Variants in RHCE observed in about 807,000 individuals in gnomAD.
RHCE encodes the protein Rh blood group CcEe antigens.
A neutral mutation model predicts 43.8 loss-of-function variants in RHCE; 22 were observed. The observed-to-expected ratio is 0.50, with a 90% CI of 0.36 to 0.72. The LOEUF is 0.72. Ranked by LOEUF, RHCE falls within the 30% of genes least tolerant of loss-of-function variation. The pLI, the probability that RHCE is intolerant of heterozygous loss-of-function variation, is 0.00. For missense variants in RHCE, 385 were observed against 525.4 expected (o/e 0.73, Z 2.61); for synonymous variants, 156 against 210.7 (o/e 0.74, Z 2.25).
intron 1 of RHCE, among the ~76,000 whole-genome samples, chr1:25,412,861 C>A (rs1647138158): frequency 6.6e-6 from 1 of 151,534 alleles, no homozygotes. Flanking sequence ...CCCGTCTCTA[C>A]TAAAAATACA....
At chr1:25,422,474 G>A (rs2042773162), upstream of RHCE, among the ~76,000 whole-genome samples, 1 of 152,192 alleles carries the variant, frequency 6.6e-6, no homozygotes, top group South Asian at 2.1e-4. Flanking sequence ...TACATTTTCA[G>A]AGCTAACTGT....
intron 7 of RHCE, chr1:25,385,472 G>A (rs1646124363): frequency 1.6e-6 from 1 of 615,162 alleles, no homozygotes. Flanking sequence ...AAGATTTCGT[G>A]TCTTTGGTCT....
chr1:25,416,824 G>GT (rs1390124741), intron 1 of RHCE, among the ~76,000 whole-genome samples: 6 of 148,968 alleles, frequency 4.0e-5, no homozygotes, highest in East Asian at 3.9e-4. Flanking sequence ...GATGGCGGGG[G>GT]GGGGTCTCCC....
chr1:25,366,680 G>A (rs1370159550), intron 9 of RHCE, among the ~76,000 whole-genome samples: 1 of 87,792 alleles, frequency 1.1e-5, no homozygotes, highest in African/African-American at 3.3e-5. Context: ...ATGAGCCACC[G>A]CACCTGGGCG....
At chr1:25,380,170 T>A in intron 7 of RHCE, among the ~76,000 whole-genome samples, 1 of 142,054 alleles carries the variant, frequency 7.0e-6, no homozygotes, top group African/African-American at 2.6e-5. Context: ...AGGACAGACA[T>A]TCCCATTCTA....
At chr1:25,430,137 C>A (rs1013096814) in exon 1 of RHCE, 6 of 151,952 alleles carry the variant, frequency 3.9e-5, no homozygotes, top group Non-Finnish European at 5.9e-5. Context: ...GCCCACAGCG[C>A]TGCCCAGCCT....
intron 3 of RHCE, among the ~76,000 whole-genome samples, chr1:25,399,455 A>G (rs1571888020): frequency 6.6e-6 from 1 of 152,176 alleles, no homozygotes; most frequent in East Asian, 1.9e-4. Flanking sequence ...TAAGACTCAC[A>G]GTATAACTAA....
In RHCE at chr1:25,362,266, T is replaced by G; in HGVS notation, c.*261A>C. On this transcript the variant is annotated 3_prime_UTR_variant, in exon 10 of 10. Transcript: ENST00000294413. ...ATTGTCAATAAAATTAACCCAAAACTTTAATAATGTGTCTGTAACCAAGAA... is the reference window on the plus strand; with the variant it reads ...ATTGTCAATAAAATTAACCCAAAACGTTAATAATGTGTCTGTAACCAAGAA... 1.4e-6 allele frequency: 1 copy of G among 737,786 alleles called. No individual in the cohort carries two copies. Among genetic ancestry groups the G allele is most frequent in the Non-Finnish European group, 2.2e-6 (1 of 464,188 alleles). 45.7% of individuals were successfully genotyped at this position (737,786 alleles called of 1,614,324 possible). A position where few individuals can be genotyped will look rare whatever the true frequency, so the allele number is the denominator to read the frequency against.
At chr1:25,386,197 G>A (rs536490022) in intron 6 of RHCE, among the ~76,000 whole-genome samples, 61 of 152,294 alleles carry the variant, frequency 4.0e-4, no homozygotes, top group Admixed American at 2.2e-3. Flanking sequence ...CCTGTGCACT[G>A]TAGGATGTTA....
chr1:25,410,301 C>G (rs1465370737), intron 1 of RHCE, among the ~76,000 whole-genome samples: 2 of 152,134 alleles, frequency 1.3e-5, no homozygotes, highest in African/African-American at 4.8e-5. Context: ...TGTTTTCGCA[C>G]ATGAATAAAT....
rs1048794332 is a variant in RHCE at position 25,409,060 on chromosome 1, G to A, written c.149-191C>T. On this transcript the variant is annotated intron_variant, in intron 1 of 9. Transcript: ENST00000294413. ...AATAATGGGGATAACATAACATGCC[G>A]TGTGGGGATAAGGTAAGGATTAGAG... is the stretch of plus-strand genomic sequence containing the variant. 3.2e-5 allele frequency among the ~76,000 whole-genome samples: 4 copies of A among 123,618 alleles called. 2 individuals are homozygous for A. The East Asian group carries it at 1.6e-3, about 50-fold the overall frequency. 81.1% of individuals were successfully genotyped at this position (123,618 alleles called of 152,430 possible).
intron 1 of RHCE, among the ~76,000 whole-genome samples, chr1:25,416,119 T>C (rs1293944786): frequency 6.6e-6 from 1 of 151,970 alleles, no homozygotes; most frequent in African/African-American, 2.4e-5. Flanking sequence ...ACCCCTCACT[T>C]GCTCAGGATG....
upstream of RHCE, among the ~76,000 whole-genome samples, chr1:25,425,725 A>T (rs1191854223): frequency 6.6e-6 from 1 of 152,178 alleles, no homozygotes; most frequent in East Asian, 1.9e-4. Context: ...CACAGCTTTC[A>T]CGTGTAATCA....
At chr1:25,397,234 C>T (rs1308836636) in intron 3 of RHCE, among the ~76,000 whole-genome samples, 1 of 149,552 alleles carries the variant, frequency 6.7e-6, no homozygotes, top group Admixed American at 6.6e-5. Context: ...CGGTGGCTCA[C>T]ACCTCTAATC....
rs1190942791 is a variant in RHCE, at chr1:25,412,714, T to TAAAAAA, written c.149-3846_149-3845insTTTTTT. 4.0e-5 allele frequency among the ~76,000 whole-genome samples: 4 copies of TAAAAAA among 100,420 alleles called. 2 individuals carry two copies. The highest frequency in any genetic ancestry group is 9.7e-5 in the African/African-American group (2 of 20,518). 65.9% of individuals were successfully genotyped at this position (100,420 alleles called of 152,430 possible). A position where few individuals can be genotyped will look rare whatever the true frequency, so the allele number is the denominator to read the frequency against. On this transcript the variant is annotated intron_variant, in intron 1 of 9. Coordinates refer to ENST00000294413, the MANE Select transcript of RHCE (RefSeq NM_020485.8). ...TAGGCGACAGAGGGAGACCCTTTTT[T>TAAAAAA]TAAAAAAAAAAAAAAAAAAAAAAAA...
intron 7 of RHCE, among the ~76,000 whole-genome samples, chr1:25,377,624 G>T (rs1645829303): frequency 6.6e-6 from 1 of 152,210 alleles, no homozygotes. Context: ...GGCTGGGCAT[G>T]GTGGCTCACA....
chr1:25,401,195 C>T (rs1294325320), intron 3 of RHCE, among the ~76,000 whole-genome samples: 3 of 152,082 alleles, frequency 2.0e-5, no homozygotes, highest in Non-Finnish European at 4.4e-5. Flanking sequence ...TTTTTGTAAA[C>T]GTGCATCATT....
chr1:25,418,003 C>A (rs932905454), intron 1 of RHCE, among the ~76,000 whole-genome samples: 1 of 152,112 alleles, frequency 6.6e-6, no homozygotes, highest in African/African-American at 2.4e-5. Flanking sequence ...AGTCTACCAC[C>A]CACTGCTTCC....
intron 2 of RHCE, among the ~76,000 whole-genome samples, chr1:25,403,472 C>T (rs1372732807): frequency 6.6e-6 from 1 of 152,088 alleles, no homozygotes; most frequent in Non-Finnish European, 1.5e-5. Flanking sequence ...CGATTCCTTC[C>T]TTCCCTTGAC....
Sources: allele counts gnomAD v4.1 joint callset (sites outside exome capture counted in the v4.1 genomes callset), GRCh38; gene constraint gnomAD v4.1.1; transcripts MANE v1.5; gene names NCBI Gene and HGNC (gene_info 2026-07-23, HGNC 2026-07-21).